ARHGAP24: variants seen among roughly 807,000 people sequenced by gnomAD.
ARHGAP24 encodes rho GTPase-activating protein 24.
Under a neutral mutation model 76.4 loss-of-function variants are expected in ARHGAP24, and 50 were observed. The ratio of observed to expected loss-of-function variants is 0.65; its 90% confidence interval spans 0.52 to 0.83. The LOEUF (loss-of-function observed/expected upper bound fraction) is 0.83. Ranked by LOEUF, ARHGAP24 falls within the 40% of genes least tolerant of loss-of-function variation. ARHGAP24 has a pLI of 0.00. For missense variants in ARHGAP24, 930 were observed against 914.2 expected (o/e 1.02, Z -0.22); for synonymous variants, 345 against 323.3 (o/e 1.07, Z -0.72).
Position 85,589,845 on chromosome 4 carries a change from A to T in ARHGAP24, c.180+19124A>T, listed in dbSNP as rs971600869. Among the ~76,000 whole-genome samples, 3 of 152,194 alleles carry T rather than the reference A, an allele frequency of 2.0e-5. 1 individual carries two copies. The highest frequency in any genetic ancestry group is 4.4e-5 in the Non-Finnish European group (3 of 68,034). ...TCAAGAGTTTAAAAATAAAATATGG[A>T]TTTTTTATTTTACAAAATAATTCCT... is the stretch of plus-strand genomic sequence containing the variant. On this transcript the variant is annotated intron_variant, in intron 2 of 9. Coordinates refer to ENST00000395184, the MANE Select transcript of ARHGAP24 (RefSeq NM_001025616.3).
intron 7 of ARHGAP24, among the ~76,000 whole-genome samples, chr4:85,975,307 A>G (rs536258012): frequency 2.0e-5 from 3 of 152,328 alleles, no homozygotes; most frequent in Non-Finnish European, 4.4e-5. Context: ...AGATTGTGCC[A>G]TTGACTAGTT....
At chr4:85,504,431 A>C (rs1046666473) in intron 1 of ARHGAP24, among the ~76,000 whole-genome samples, 1 of 152,196 alleles carries the variant, frequency 6.6e-6, no homozygotes, top group Non-Finnish European at 1.5e-5. Context: ...TATTTAGGAT[A>C]GTTAGCTCTT....
intron 5 of ARHGAP24, 153 bp downstream of exon 5, chr4:85,942,426 G>A: frequency 1.1e-6 from 1 of 916,702 alleles, no homozygotes. Context: ...TTTCTATTAA[G>A]TTACAAAGTC....
At chr4:85,649,295 A>G (rs78563583) in intron 2 of ARHGAP24, among the ~76,000 whole-genome samples, 282 of 152,244 alleles carry the variant, frequency 1.9e-3, no homozygotes, top group African/African-American at 6.7e-3. Flanking sequence ...ATATTAAATC[A>G]GGCATTGTGT....
chr4:85,513,207 GA>G (rs1283533090), intron 1 of ARHGAP24, among the ~76,000 whole-genome samples: 39 of 152,252 alleles, frequency 2.6e-4, no homozygotes. Context: ...AGAGAGTTGG[GA>G]AAGAAGTTTG....
intron 3 of ARHGAP24, among the ~76,000 whole-genome samples, chr4:85,736,775 A>G (rs973963030): frequency 2.6e-5 from 4 of 152,136 alleles, no homozygotes; most frequent in African/African-American, 9.7e-5. Flanking sequence ...CACTTCCTCA[A>G]CAGTTAAGTG....
At chr4:85,930,884 G>A in intron 4 of ARHGAP24, 1 of 1,612,446 alleles carries the variant, frequency 6.2e-7, no homozygotes, top group Non-Finnish European at 8.5e-7. Context: ...CTCAGAGGCA[G>A]GTTTTAAAGG....
chr4:85,979,670 TA>T (rs1403255536), intron 8 of ARHGAP24, among the ~76,000 whole-genome samples: 1 of 152,196 alleles, frequency 6.6e-6, no homozygotes, highest in Non-Finnish European at 1.5e-5. Context: ...TTGAACACTT[TA>T]AAAAATTTTC....
At chr4:85,617,211 A>G (rs1272565585) in intron 2 of ARHGAP24, among the ~76,000 whole-genome samples, 1 of 148,420 alleles carries the variant, frequency 6.7e-6, no homozygotes, top group Non-Finnish European at 1.5e-5. Context: ...GATTGCAGAT[A>G]TGTTGAATAT....
At chr4:85,845,884 A>C (rs1457496458) in intron 3 of ARHGAP24, among the ~76,000 whole-genome samples, 1 of 152,098 alleles carries the variant, frequency 6.6e-6, no homozygotes, top group African/African-American at 2.4e-5. Context: ...TAAATTTAAG[A>C]ATATAATTTT....
intron 5 of ARHGAP24, among the ~76,000 whole-genome samples, chr4:85,951,211 A>G (rs961805566): frequency 9.5e-4 from 144 of 152,260 alleles, no homozygotes; most frequent in African/African-American, 3.4e-3. Context: ...TGGTGAGGTA[A>G]TAAGAAGAGA....
chr4:85,779,657 G>A (rs990759240), intron 3 of ARHGAP24, among the ~76,000 whole-genome samples: 1 of 151,706 alleles, frequency 6.6e-6, no homozygotes, highest in Admixed American at 6.6e-5. Flanking sequence ...CCTTAATGGA[G>A]GAACATTTCT....
chr4:85,890,494 C>T (rs1169664994), intron 3 of ARHGAP24, among the ~76,000 whole-genome samples: 1 of 152,102 alleles, frequency 6.6e-6, no homozygotes, highest in African/African-American at 2.4e-5. Flanking sequence ...CAAACATAAC[C>T]ACAGAGGGAA....
intron 3 of ARHGAP24, among the ~76,000 whole-genome samples, chr4:85,725,976 A>G (rs1725152133): frequency 2.0e-5 from 3 of 152,186 alleles, no homozygotes; most frequent in Admixed American, 1.3e-4. Flanking sequence ...TCTAACACAC[A>G]TCAAAATTTA....
At chr4:85,670,590 AG>A (rs1267748606) in intron 2 of ARHGAP24, among the ~76,000 whole-genome samples, 1 of 152,184 alleles carries the variant, frequency 6.6e-6, no homozygotes, top group Non-Finnish European at 1.5e-5. Context: ...CACACCAGAA[AG>A]GAGGGAGGGG....
At chr4:85,548,760 T>C (rs184623657) in intron 1 of ARHGAP24, among the ~76,000 whole-genome samples, 2 of 152,330 alleles carry the variant, frequency 1.3e-5, no homozygotes, top group East Asian at 1.9e-4. Flanking sequence ...ATGTTTCTCC[T>C]GTCTCATCAA....
At chr4:85,850,449 T>A (rs1427079660) in intron 3 of ARHGAP24, among the ~76,000 whole-genome samples, 1 of 152,212 alleles carries the variant, frequency 6.6e-6, no homozygotes, top group African/African-American at 2.4e-5. Context: ...CTCTATCTCC[T>A]TCAGTTCTGC....
At chr4:85,825,121 A>AT (rs1258919713) in intron 3 of ARHGAP24, among the ~76,000 whole-genome samples, 1 of 152,146 alleles carries the variant, frequency 6.6e-6, no homozygotes, top group Non-Finnish European at 1.5e-5. Flanking sequence ...ACAAAAAAAA[A>AT]GAAAAGAAAA....
intron 1 of ARHGAP24, among the ~76,000 whole-genome samples, chr4:85,493,290 C>T (rs910470135): frequency 1.3e-4 from 20 of 152,206 alleles, no homozygotes; most frequent in Non-Finnish European, 2.2e-4. Context: ...TTCTATCATA[C>T]TTTCAGCTAT....
Sources: allele counts gnomAD v4.1 joint callset (sites outside exome capture counted in the v4.1 genomes callset), GRCh38; gene constraint gnomAD v4.1.1; transcripts MANE v1.5; gene names NCBI Gene and HGNC (gene_info 2026-07-23, HGNC 2026-07-21).